COLEC10: variants seen among roughly 807,000 people sequenced by gnomAD.
The protein encoded by COLEC10 is collectin subfamily member 10, also known as collectin-10.
A neutral mutation model predicts 28.4 loss-of-function variants in COLEC10; 22 were observed. The observed-to-expected ratio is 0.78, with a 90% CI of 0.55 to 1.11. The LOEUF is 1.11. COLEC10 is among the 50% of genes least tolerant of loss of function. The pLI, the probability that COLEC10 is intolerant of heterozygous loss-of-function variation, is 0.00. For synonymous variants in COLEC10, 125 were observed against 116.1 expected, an observed-to-expected ratio of 1.08 and a Z score of -0.49; for missense variants, 361 against 344.1, an observed-to-expected ratio of 1.05 and a Z score of -0.39.
At chr8:119,035,829 G>A (rs935286969) in intron 2 of COLEC10, among the ~76,000 whole-genome samples, 7 of 152,126 alleles carry the variant, frequency 4.6e-5, no homozygotes, top group Non-Finnish European at 5.9e-5. Context: ...TGTGTGGTTC[G>A]GCTTTTGAAG....
intron 3 of COLEC10, among the ~76,000 whole-genome samples, chr8:119,097,976 C>G (rs1815753679): frequency 6.6e-6 from 1 of 152,022 alleles, no homozygotes; most frequent in Non-Finnish European, 1.5e-5. Flanking sequence ...TAAGTACTTT[C>G]ACATTGCTGT....
chr8:119,051,572 G>C (rs149502704), intron 2 of COLEC10, among the ~76,000 whole-genome samples: 1 of 152,276 alleles, frequency 6.6e-6, no homozygotes, highest in Admixed American at 6.5e-5. Flanking sequence ...CTGAATCACT[G>C]TTCACAGAAT....
At chr8:118,989,662 T>G in the COLEC10 span, among the ~76,000 whole-genome samples, 4 of 150,734 alleles carry the variant, frequency 2.7e-5, no homozygotes, top group Non-Finnish European at 4.4e-5. Flanking sequence ...GTCTTGAAAA[T>G]TTTAAGATTA....
At chr8:119,086,209 G>T (rs948211615) in intron 1 of COLEC10, among the ~76,000 whole-genome samples, 1 of 152,180 alleles carries the variant, frequency 6.6e-6, no homozygotes, top group African/African-American at 2.4e-5. Context: ...GGCTTGGGGA[G>T]TGGGTGTGAG....
chr8:118,957,557 T>G, the COLEC10 span, among the ~76,000 whole-genome samples: 2 of 152,186 alleles, frequency 1.3e-5, no homozygotes, highest in Admixed American at 1.3e-4. Context: ...GTCCATGCAG[T>G]GTCTAGAGAG....
intron 2 of COLEC10, among the ~76,000 whole-genome samples, chr8:119,022,548 C>T (rs927345047): frequency 8.6e-5 from 13 of 152,010 alleles, no homozygotes; most frequent in Admixed American, 6.6e-5. Context: ...TTTTCACACC[C>T]CACATCCAAT....
At chr8:119,051,866 G>A (rs1164999771) in intron 2 of COLEC10, among the ~76,000 whole-genome samples, 1 of 152,098 alleles carries the variant, frequency 6.6e-6, no homozygotes, top group Non-Finnish European at 1.5e-5. Flanking sequence ...CTTAGATTCA[G>A]GCTTTGGGGC....
intron 2 of COLEC10, among the ~76,000 whole-genome samples, chr8:119,013,573 G>A (rs1300405013): frequency 2.0e-5 from 3 of 150,712 alleles, no homozygotes; most frequent in Non-Finnish European, 4.4e-5. Context: ...TGATAAGGTG[G>A]TGTTGAAGTC....
the COLEC10 span, among the ~76,000 whole-genome samples, chr8:118,981,348 T>C: frequency 6.6e-6 from 1 of 152,172 alleles, no homozygotes; most frequent in African/African-American, 2.4e-5. Flanking sequence ...TTTTCAGTTA[T>C]GTTGCTTCCC....
At chr8:119,086,615 A>T (rs141265358) in intron 1 of COLEC10, among the ~76,000 whole-genome samples, 113 of 152,294 alleles carry the variant, frequency 7.4e-4, no homozygotes, top group Non-Finnish European at 1.2e-3. Flanking sequence ...ATCAAGAGCC[A>T]CCAGGGAGCA....
chr8:119,104,337 A>G (rs1815897082), intron 5 of COLEC10, among the ~76,000 whole-genome samples: 1 of 152,198 alleles, frequency 6.6e-6, no homozygotes, highest in Non-Finnish European at 1.5e-5. Context: ...TGTAGTTACT[A>G]TGATAACTAA....
intron 1 of COLEC10, among the ~76,000 whole-genome samples, chr8:119,008,791 C>A (rs1457695723): frequency 4.0e-5 from 6 of 150,848 alleles, no homozygotes; most frequent in Non-Finnish European, 1.5e-5. Context: ...AAAAGTAAAC[C>A]TTTTGAGCCG....
chr8:119,070,318 G>A (rs1223274331), intron 1 of COLEC10, among the ~76,000 whole-genome samples: 1 of 152,048 alleles, frequency 6.6e-6, no homozygotes, highest in Non-Finnish European at 1.5e-5. Flanking sequence ...CCCTATCTAA[G>A]TCTGTTAAGT....
At chr8:119,102,603 C>T (rs1444016894) in intron 4 of COLEC10, 2 of 496,204 alleles carry the variant, frequency 4.0e-6, no homozygotes, top group South Asian at 6.4e-5. Context: ...GGGATGATGA[C>T]ACGTTTCATC....
intron 1 of COLEC10, among the ~76,000 whole-genome samples, chr8:119,072,695 T>TTAG (rs1376149776): frequency 6.6e-6 from 1 of 152,120 alleles, no homozygotes; most frequent in African/African-American, 2.4e-5. Context: ...GTCTCTTTAC[T>TTAG]TAAAGCCCCC....
chr8:119,038,372 T>C (rs577185831), intron 2 of COLEC10, among the ~76,000 whole-genome samples: 7 of 152,332 alleles, frequency 4.6e-5, no homozygotes, highest in Middle Eastern at 3.4e-3. Flanking sequence ...TGCATGCTGG[T>C]TAAAGTCAAA....
chr8:118,976,562 A>G, the COLEC10 span: 1 of 152,350 alleles, frequency 6.6e-6, no homozygotes, highest in South Asian at 2.1e-4. Flanking sequence ...TACAGAGAAG[A>G]TTAGCATGGC....
At chr8:119,026,015 A>G (rs1281574096) in intron 2 of COLEC10, among the ~76,000 whole-genome samples, 2 of 152,118 alleles carry the variant, frequency 1.3e-5, no homozygotes, top group African/African-American at 2.4e-5. Flanking sequence ...TCTTTTCTCA[A>G]TACCTGATGT....
chr8:118,987,974 G>A, the COLEC10 span, among the ~76,000 whole-genome samples: 10 of 152,022 alleles, frequency 6.6e-5, no homozygotes, highest in East Asian at 3.9e-4. Context: ...AAAAATCAAC[G>A]CATGTTTGGT....
Sources: gnomAD v4.1 joint callset for allele counts (sites outside exome capture counted in the v4.1 genomes callset) on GRCh38, gnomAD v4.1.1 for gene constraint, MANE v1.5 for transcripts, NCBI Gene and HGNC (gene_info 2026-07-23, HGNC 2026-07-21) for gene names.